KATNAL2: variants seen among roughly 807,000 people sequenced by gnomAD.
KATNAL2 encodes katanin p60 ATPase-containing subunit A-like 2.
KATNAL2 carries 52 observed loss-of-function variants against 76.3 expected under a neutral mutation model. The observed-to-expected ratio is 0.68, with a 90% CI of 0.55 to 0.86. KATNAL2 has a LOEUF of 0.86. Among genes scored for constraint, KATNAL2 ranks in the 40% least tolerant of loss-of-function variants. KATNAL2 has a pLI of 0.00. For synonymous variants in KATNAL2, 243 were observed against 244.2 expected (o/e 1.00, Z 0.05); for missense variants, 660 against 668.9 (o/e 0.99, Z 0.15).
At chr18:47,067,976 C>A (rs1010979830) in intron 11 of KATNAL2, among the ~76,000 whole-genome samples, 1 of 152,212 alleles carries the variant, frequency 6.6e-6, no homozygotes, top group South Asian at 2.1e-4. Context: ...GGCCTCCATC[C>A]TCTAGCAGGA....
intron 13 of KATNAL2, 41 bp downstream of exon 13, chr18:47,069,641 G>T: frequency 7.6e-7 from 1 of 1,319,116 alleles, no homozygotes; most frequent in Non-Finnish European, 1.1e-6. Flanking sequence ...AAGTTCTAGT[G>T]TAATACAGTG....
chr18:46,923,541 G>A (rs1322977850), intron 1 of KATNAL2, among the ~76,000 whole-genome samples: 1 of 152,072 alleles, frequency 6.6e-6, no homozygotes, highest in Non-Finnish European at 1.5e-5. Context: ...ACATACATGT[G>A]CATGTGTCTT....
chr18:47,038,553 C>T (rs189839511), intron 3 of KATNAL2, among the ~76,000 whole-genome samples: 2 of 152,114 alleles, frequency 1.3e-5, no homozygotes, highest in East Asian at 3.9e-4. Context: ...ATTGCTGGGT[C>T]GACAGGTATG....
intron 8 of KATNAL2, among the ~76,000 whole-genome samples, chr18:47,061,691 A>G (rs1473565626): frequency 2.6e-5 from 4 of 152,144 alleles, no homozygotes; most frequent in African/African-American, 7.2e-5. Context: ...CTCCCCCACT[A>G]TGTAACTTTG....
At chr18:46,919,330 T>C (rs548210009) in intron 1 of KATNAL2, among the ~76,000 whole-genome samples, 16 of 152,032 alleles carry the variant, frequency 1.1e-4, no homozygotes, top group Admixed American at 7.9e-4. Flanking sequence ...CCACCAAAAA[T>C]GCAAAATTAG....
At chr18:47,067,288 A>C (rs181725718) in intron 11 of KATNAL2, among the ~76,000 whole-genome samples, 169 bp downstream of exon 11, 2 of 152,316 alleles carry the variant, frequency 1.3e-5, no homozygotes, top group Admixed American at 1.3e-4. Flanking sequence ...AGCCTGGTCC[A>C]TTCTAGATCA....
At chr18:47,034,799 T>C (rs1732928980) in intron 3 of KATNAL2, 1 of 1,612,192 alleles carries the variant, frequency 6.2e-7, no homozygotes, top group African/African-American at 1.3e-5. Flanking sequence ...CTGGGGCACT[T>C]TCTCTCAGCT....
At chr18:47,034,315 C>T (rs1218136988) in intron 3 of KATNAL2, 6 of 1,612,956 alleles carry the variant, frequency 3.7e-6, no homozygotes, top group South Asian at 1.1e-5. Flanking sequence ...TAGACTGGGC[C>T]TCTTCTTGTT....
rs772123293 is a variant in KATNAL2 at position 47,075,338 on chromosome 18, C to G, written c.1070C>G (p.Ser357Trp). ...ACGATCTTCCTGGACGAGCTGGAGT[C>G]GGTGATGAGTCAGAGAGGCACAGCT... ...PSTIFLDELE[S>W]VMSQRGTASG... The change falls in exon 14 of 18, where the codon TCG becomes TGG. Residue 357 changes from serine (S) to tryptophan (W), a missense_variant. Ser to Trp is a radical substitution (Grantham distance 177). Coordinates refer to ENST00000683218, the MANE Select transcript of KATNAL2 (RefSeq NM_001387690.1). The G allele has an allele frequency of 1.3e-6, 2 of 1,553,712 alleles. No individual in the cohort carries two copies. Among genetic ancestry groups the G allele is most frequent in the South Asian group, 1.2e-5 (1 of 80,658 alleles).
At chr18:47,099,917 T>C (rs963675128) in intron 16 of KATNAL2, among the ~76,000 whole-genome samples, 14 of 152,314 alleles carry the variant, frequency 9.2e-5, no homozygotes, top group African/African-American at 3.4e-4. Flanking sequence ...TATGATCTTA[T>C]TTACAAGAAT....
intron 3 of KATNAL2, among the ~76,000 whole-genome samples, chr18:47,042,695 A>C (rs986383124): frequency 2.0e-5 from 3 of 152,252 alleles, no homozygotes; most frequent in Non-Finnish European, 4.4e-5. Flanking sequence ...GAGACAAAGG[A>C]ATGGAACACT....
chr18:47,052,850 T>C, intron 4 of KATNAL2, 30 bp from the exon 5 acceptor site: 1 of 1,536,372 alleles, frequency 6.5e-7, no homozygotes. Flanking sequence ...CCTCAGTTAA[T>C]TTCTTCTTTT....
chr18:47,071,024 G>A (rs963313971), intron 13 of KATNAL2, among the ~76,000 whole-genome samples: 3 of 152,224 alleles, frequency 2.0e-5, no homozygotes, highest in Non-Finnish European at 4.4e-5. Context: ...TCAACTGCAC[G>A]GGTCTACTTA....
At chr18:47,034,255 T>G in intron 3 of KATNAL2, 1 of 1,614,036 alleles carries the variant, frequency 6.2e-7, no homozygotes, top group Non-Finnish European at 8.5e-7. Context: ...AAGCTGCTCT[T>G]TCTCCTCGGG....
chr18:47,034,598 G>A (rs1355886532), intron 3 of KATNAL2: 2 of 1,614,156 alleles, frequency 1.2e-6, no homozygotes, highest in Non-Finnish European at 1.7e-6. Context: ...CCCTTGCTGT[G>A]GCTCACAACG....
chr18:47,033,414 C>T, intron 3 of KATNAL2: 1 of 1,613,492 alleles, frequency 6.2e-7, no homozygotes, highest in Non-Finnish European at 8.5e-7. Context: ...CTCTCAGCCG[C>T]TGCTCTGGGG....
intron 3 of KATNAL2, among the ~76,000 whole-genome samples, chr18:46,956,659 A>G (rs930390001): frequency 6.6e-6 from 1 of 152,164 alleles, no homozygotes; most frequent in African/African-American, 2.4e-5. Context: ...AACTCTGGCA[A>G]GTTTCTTTTC....
intron 1 of KATNAL2, among the ~76,000 whole-genome samples, chr18:46,922,894 ATTAATATAATATATAT>A: frequency 6.7e-6 from 1 of 148,216 alleles, no homozygotes; most frequent in Non-Finnish European, 1.5e-5. Flanking sequence ...ATAATATCAT[ATTAATATAATATATAT>A]TTAATATATA....
chr18:46,924,752 T>C (rs941869416), intron 1 of KATNAL2, among the ~76,000 whole-genome samples: 2 of 152,204 alleles, frequency 1.3e-5, no homozygotes, highest in Non-Finnish European at 2.9e-5. Flanking sequence ...TTGTATTTCG[T>C]TGAGCAGTGG....
Sources: allele counts gnomAD v4.1 joint callset (sites outside exome capture counted in the v4.1 genomes callset), GRCh38; gene constraint gnomAD v4.1.1; transcripts MANE v1.5; gene names NCBI Gene and HGNC (gene_info 2026-07-23, HGNC 2026-07-21).